The following KNTC1 variants were observed in gnomAD, a reference collection of about 807,000 sequenced individuals.
KNTC1 encodes the protein kinetochore associated 1, also known as kinetochore-associated protein 1.
Under a neutral mutation model 314.4 loss-of-function variants are expected in KNTC1, and 253 were observed. That is an observed-to-expected ratio of 0.80 (90% CI 0.73 to 0.89). The LOEUF (loss-of-function observed/expected upper bound fraction) is 0.89, where lower values mean the gene tolerates loss of function less well. Ranked by LOEUF, KNTC1 falls within the 40% of genes least tolerant of loss-of-function variation. The probability of loss-of-function intolerance (pLI) is 0.00; values close to 1 mark genes in which losing one functional copy is unlikely to be tolerated. For synonymous variants in KNTC1, 901 were observed against 901.4 expected (o/e 1.00, Z 0.01); for missense variants, 2,475 against 2,572.9 (o/e 0.96, Z 0.82).
At chr12:122,596,496 C>T (rs577903804) in intron 43 of KNTC1, among the ~76,000 whole-genome samples, 4 of 151,174 alleles carry the variant, frequency 2.6e-5, no homozygotes, top group East Asian at 3.9e-4. Flanking sequence ...GGATTACAGG[C>T]GTGAATCACG....
At chr12:122,614,919 C>T (rs970668908) in intron 55 of KNTC1, 72 bp from the exon 56 acceptor site, 10 of 1,058,168 alleles carry the variant, frequency 9.5e-6, no homozygotes, top group Non-Finnish European at 1.4e-5. Flanking sequence ...TTAAGCTGCC[C>T]TACTTTTCCA....
chr12:122,566,296 C>G (rs930610993), intron 20 of KNTC1, among the ~76,000 whole-genome samples: 1 of 150,328 alleles, frequency 6.7e-6, no homozygotes, highest in South Asian at 2.1e-4. Context: ...CGCCCAGGCT[C>G]GAGTGCGGTG....
intron 5 of KNTC1, 21 bp from the exon 6 acceptor site, chr12:122,542,029 A>G: frequency 6.6e-7 from 1 of 1,503,990 alleles, no homozygotes; most frequent in South Asian, 1.3e-5. Flanking sequence ...AAAGAAACTG[A>G]TTCTGATTTT....
intron 60 of KNTC1, among the ~76,000 whole-genome samples, chr12:122,620,841 CAA>C (rs1874351868): frequency 1.3e-5 from 2 of 152,100 alleles, no homozygotes; most frequent in South Asian, 2.1e-4. Context: ...AGTGGGGAAA[CAA>C]GTGATTATTT....
intron 37 of KNTC1, among the ~76,000 whole-genome samples, chr12:122,586,239 C>T (rs1470172698): frequency 1.3e-5 from 2 of 152,120 alleles, no homozygotes; most frequent in Non-Finnish European, 2.9e-5. Flanking sequence ...CATGCCACCA[C>T]GCCTGGCTAA....
intron 62 of KNTC1, among the ~76,000 whole-genome samples, chr12:122,624,293 G>A (rs909497120): frequency 1.2e-4 from 17 of 147,220 alleles, no homozygotes; most frequent in African/African-American, 3.7e-4. Flanking sequence ...TTTTGAAATA[G>A]GGTCTTGCTT....
intron 44 of KNTC1, among the ~76,000 whole-genome samples, chr12:122,599,105 C>T (rs1871468024): frequency 6.6e-6 from 1 of 151,638 alleles, no homozygotes; most frequent in East Asian, 1.9e-4. Context: ...TATCTTCATA[C>T]ATATTTTTAT....
chr12:122,546,877 G>T (rs1247503007), intron 10 of KNTC1, among the ~76,000 whole-genome samples: 1 of 149,728 alleles, frequency 6.7e-6, no homozygotes, highest in Non-Finnish European at 1.5e-5. Context: ...TTGTTTCCCA[G>T]GCTGGAGTGC....
chr12:122,621,384 CTCTG>C (rs566980135), intron 60 of KNTC1, among the ~76,000 whole-genome samples: 29 of 152,276 alleles, frequency 1.9e-4, no homozygotes, highest in African/African-American at 5.5e-4. Context: ...TTTTGAGAGT[CTCTG>C]TCACCCAGGC....
At chr12:122,549,552 G>A (rs7316507) in intron 12 of KNTC1, among the ~76,000 whole-genome samples, 11,476 of 151,854 alleles carry the variant, frequency 0.076, 1,488 homozygotes, top group African/African-American at 0.26. Flanking sequence ...TATTTTAGTA[G>A]ACAGGGTTTC....
At chr12:122,568,414 C>G (rs752667493) in intron 21 of KNTC1, 42 bp downstream of exon 21, 60 of 1,057,388 alleles carry the variant, frequency 5.7e-5, no homozygotes, top group Admixed American at 1.7e-5. Context: ...TTTATAGCTC[C>G]TGAGTTAGGT....
At chr12:122,612,479 G>T (rs1168512546) in intron 53 of KNTC1, among the ~76,000 whole-genome samples, 1 of 149,118 alleles carries the variant, frequency 6.7e-6, no homozygotes, top group African/African-American at 2.5e-5. Context: ...TAGTGCAGTG[G>T]CGCGATCTCA....
At chr12:122,550,791 T>C (rs1191558155) in intron 13 of KNTC1, among the ~76,000 whole-genome samples, 6 of 152,194 alleles carry the variant, frequency 3.9e-5, no homozygotes. Flanking sequence ...GTGTGAGCCA[T>C]TGCATCTGGT....
chr12:122,610,173 G>A (rs2277346), intron 52 of KNTC1, among the ~76,000 whole-genome samples: 1 of 151,994 alleles, frequency 6.6e-6, no homozygotes, highest in Non-Finnish European at 1.5e-5. Context: ...CTCTGGACCC[G>A]CACCTTGGCC....
At chr12:122,569,442 T>C (rs1014061126) in intron 21 of KNTC1, among the ~76,000 whole-genome samples, 2 of 152,220 alleles carry the variant, frequency 1.3e-5, no homozygotes. Context: ...TTCCTTAGAA[T>C]ACTCTCTCTG....
At chr12:122,625,785 T>C (rs1566027599) in intron 63 of KNTC1, among the ~76,000 whole-genome samples, 1 of 152,202 alleles carries the variant, frequency 6.6e-6, no homozygotes, top group Non-Finnish European at 1.5e-5. Context: ...AAGTGCCAGG[T>C]AAAATTTTTA....
chr12:122,574,053 A>G (rs1964871311), intron 26 of KNTC1, among the ~76,000 whole-genome samples: 1 of 152,156 alleles, frequency 6.6e-6, no homozygotes, highest in Non-Finnish European at 1.5e-5. Context: ...ATTCTTCAAG[A>G]ATGTTTCATT....
At position 122,613,155 on chromosome 12, in the gene KNTC1, C is replaced by T. The variant is rs1873368192; in HGVS notation, c.5666C>T (p.Ala1889Val). The T allele has an allele frequency of 6.2e-7, 1 of 1,613,592 alleles. No homozygotes were observed. The highest frequency in any genetic ancestry group is 8.5e-7 in the Non-Finnish European group (1 of 1,179,584). Residue 1889 changes from alanine (A) to valine (V), a missense_variant, in exon 54 of 64, where the codon GCT (alanine) becomes GTT (valine). Ala to Val is a moderately conservative substitution (Grantham distance 64). Transcript: ENST00000333479. ...HQLTFAHRTR[A>V]LQCLFYLADK... is the part of the protein sequence containing the mutation. The stretch of plus-strand genomic sequence containing the variant: ...TTAACTTTTGCCCATAGAACTCGAG[C>T]TCTTCAGTGTCTCTTCTATTTGGCT...
At chr12:122,584,225 C>A (rs940102303) in intron 34 of KNTC1, 53 bp from the exon 35 acceptor site, 4 of 1,269,498 alleles carry the variant, frequency 3.2e-6, no homozygotes, top group African/African-American at 3.0e-5. Flanking sequence ...AAAGGCCATG[C>A]GTTCACTTTC....
Sources: allele counts gnomAD v4.1 joint callset (sites outside exome capture counted in the v4.1 genomes callset), GRCh38; gene constraint gnomAD v4.1.1; transcripts MANE v1.5; gene names NCBI Gene and HGNC (gene_info 2026-07-23, HGNC 2026-07-21).